MCC: variants seen among roughly 807,000 people sequenced by gnomAD.
The protein encoded by MCC is colorectal mutant cancer protein.
Under a neutral mutation model 116.2 loss-of-function variants are expected in MCC, and 90 were observed. The observed-to-expected ratio is 0.77, with a 90% CI of 0.65 to 0.92. The LOEUF (loss-of-function observed/expected upper bound fraction) is 0.92. MCC is among the 40% of genes least tolerant of loss of function. The probability of loss-of-function intolerance (pLI) is 0.00; values close to 1 mark genes in which losing one functional copy is unlikely to be tolerated. For synonymous variants in MCC, 578 were observed against 510.5 expected (o/e 1.13, Z -1.78); for missense variants, 1,516 against 1,312.2 (o/e 1.16, Z -2.40).
intron 17 of MCC, among the ~76,000 whole-genome samples, chr5:113,030,079 G>A (rs1580873969): frequency 6.6e-6 from 1 of 152,192 alleles, no homozygotes; most frequent in East Asian, 1.9e-4. Context: ...AGGATTTAGG[G>A]AAGGAATTCG....
intron 3 of MCC, among the ~76,000 whole-genome samples, chr5:113,197,456 C>T (rs1762469524): frequency 6.6e-6 from 1 of 152,078 alleles, no homozygotes; most frequent in Non-Finnish European, 1.5e-5. Context: ...CACTAAAAAC[C>T]ACTGGATTGT....
chr5:113,383,781 A>G (rs969147408), intron 2 of MCC, among the ~76,000 whole-genome samples: 3 of 152,200 alleles, frequency 2.0e-5, no homozygotes, highest in South Asian at 4.1e-4. Flanking sequence ...AGTAGAATAT[A>G]TGAAGGTAGT....
intron 3 of MCC, among the ~76,000 whole-genome samples, chr5:113,299,015 G>A (rs1209411702): frequency 6.6e-6 from 1 of 152,070 alleles, no homozygotes; most frequent in Non-Finnish European, 1.5e-5. Flanking sequence ...CAGGCCGGAT[G>A]CAGTGGCTCA....
rs115466152 is a variant in MCC at position 113,352,956 on chromosome 5, C to T, written c.416-12226G>A. On this transcript the variant is annotated intron_variant, in intron 2 of 18. Coordinates refer to ENST00000408903, the MANE Select transcript of MCC (RefSeq NM_001085377.2). ...ATTTGGGTTTTGTCTGACATCTGCACGTTAGGTCAATGGTCTCATGAGCCC... is the reference window on the plus strand; with the variant it reads ...ATTTGGGTTTTGTCTGACATCTGCATGTTAGGTCAATGGTCTCATGAGCCC... Among the ~76,000 whole-genome samples, 309 of 152,182 alleles carry T rather than the reference C, an allele frequency of 2.0e-3. 1 individual carries two copies. The highest frequency in any genetic ancestry group is 7.1e-3 in the African/African-American group (294 of 41,508).
intron 1 of MCC, among the ~76,000 whole-genome samples, chr5:113,390,462 C>T (rs1769374557): frequency 6.6e-6 from 1 of 152,172 alleles, no homozygotes; most frequent in Non-Finnish European, 1.5e-5. Flanking sequence ...AAAATGACTT[C>T]AGTCATTTCA....
At chr5:113,300,466 C>A (rs1766834722) in intron 3 of MCC, among the ~76,000 whole-genome samples, 1 of 152,212 alleles carries the variant, frequency 6.6e-6, no homozygotes, top group South Asian at 2.1e-4. Context: ...CGTGAATAAT[C>A]TTCTCAACCA....
intron 1 of MCC, among the ~76,000 whole-genome samples, chr5:113,474,150 T>C (rs750714456): frequency 2.2e-4 from 33 of 152,270 alleles, no homozygotes; most frequent in Non-Finnish European, 3.4e-4. Flanking sequence ...ATTTGAAGTG[T>C]TTCTATTAAG....
At chr5:113,111,889 T>C (rs543409398) in intron 6 of MCC, among the ~76,000 whole-genome samples, 1 of 152,312 alleles carries the variant, frequency 6.6e-6, no homozygotes, top group East Asian at 1.9e-4. Flanking sequence ...TTTTCTTCTT[T>C]CTTACTCAGG....
intron 7 of MCC, among the ~76,000 whole-genome samples, chr5:113,102,839 G>A (rs1004346315): frequency 1.3e-5 from 2 of 151,444 alleles, no homozygotes; most frequent in South Asian, 2.1e-4. Flanking sequence ...AAGACTGGCC[G>A]GGTGCAGTGG....
intron 5 of MCC, among the ~76,000 whole-genome samples, chr5:113,131,317 T>C (rs181366060): frequency 2.6e-5 from 4 of 152,234 alleles, no homozygotes; most frequent in Admixed American, 2.6e-4. Context: ...TCCCACTATA[T>C]AATCTCCCCA....
intron 8 of MCC, among the ~76,000 whole-genome samples, chr5:113,101,256 A>T (rs575726643): frequency 6.6e-6 from 1 of 152,256 alleles, no homozygotes; most frequent in Admixed American, 6.5e-5. Flanking sequence ...AGATATGGCT[A>T]TTTTAACTTC....
chr5:113,469,041 T>C (rs1441971288), intron 1 of MCC, among the ~76,000 whole-genome samples: 3 of 152,186 alleles, frequency 2.0e-5, no homozygotes, highest in Non-Finnish European at 2.9e-5. Context: ...CCCTTTAACA[T>C]TTTTTATTGT....
intron 3 of MCC, among the ~76,000 whole-genome samples, chr5:113,297,480 G>A (rs553314648): frequency 7.2e-5 from 11 of 152,092 alleles, no homozygotes; most frequent in Admixed American, 3.3e-4. Context: ...AAGGAGAATC[G>A]CTTGAACCTG....
At chr5:113,201,387 CA>C (rs68052804) in intron 3 of MCC, among the ~76,000 whole-genome samples, 19,223 of 128,014 alleles carry the variant, frequency 0.15, 1,344 homozygotes, top group African/African-American at 0.22. Flanking sequence ...ACGCCATCTC[CA>C]AAAAAAAAAA....
intron 2 of MCC, among the ~76,000 whole-genome samples, chr5:113,380,254 C>T (rs1219516196): frequency 1.3e-5 from 2 of 152,214 alleles, no homozygotes; most frequent in East Asian, 1.9e-4. Context: ...TCTCTCCATC[C>T]TACAGTCACA....
intron 3 of MCC, among the ~76,000 whole-genome samples, chr5:113,211,426 T>C (rs572256974): frequency 3.7e-4 from 57 of 152,190 alleles, no homozygotes; most frequent in Non-Finnish European, 6.5e-4. Context: ...ACTTCATCTG[T>C]TGATGACAGA....
At position 113,052,374 on chromosome 5, in the gene MCC, G is replaced by C. The variant is rs542961913; in HGVS notation, c.2448+1351C>G. 2.0e-5 allele frequency among the ~76,000 whole-genome samples: 3 copies of C among 146,856 alleles called. No individual in the cohort carries two copies. In the South Asian group the frequency reaches 6.6e-4, roughly 32 times the overall value. ...TCTAGCTCATAAGCAATGAGAGGTG[G>C]AATCAGCCAAAGCAGCATGAGGATT... is the stretch of plus-strand genomic sequence containing the variant. On this transcript the variant is annotated intron_variant, in intron 15 of 18. Transcript: ENST00000408903.
chr5:113,111,674 C>G (rs113077480), intron 6 of MCC, among the ~76,000 whole-genome samples: 3,005 of 152,254 alleles, frequency 0.02, 112 homozygotes, highest in African/African-American at 0.069. Flanking sequence ...CTTAACTCTT[C>G]ATTATATCAA....
intron 8 of MCC, among the ~76,000 whole-genome samples, chr5:113,086,370 G>C (rs891940966): frequency 6.6e-6 from 1 of 152,140 alleles, no homozygotes; most frequent in African/African-American, 2.4e-5. Context: ...TTCAATATGT[G>C]TGTTTTAGCA....
Sources: allele counts gnomAD v4.1 joint callset (sites outside exome capture counted in the v4.1 genomes callset), GRCh38; gene constraint gnomAD v4.1.1; transcripts MANE v1.5; gene names NCBI Gene and HGNC (gene_info 2026-07-23, HGNC 2026-07-21).